Variants in PLXDC2 observed in about 807,000 individuals in gnomAD.
PLXDC2 encodes the protein plexin domain containing 2.
Under a neutral mutation model 68.9 loss-of-function variants are expected in PLXDC2, and 40 were observed. The observed-to-expected ratio is 0.58, with a 90% CI of 0.45 to 0.76. PLXDC2 has a LOEUF of 0.76. PLXDC2 is among the 30% of genes least tolerant of loss of function. The pLI is 0.00. For synonymous variants in PLXDC2, 243 were observed against 234.2 expected (o/e 1.04, Z -0.34); for missense variants, 644 against 661.9 (o/e 0.97, Z 0.30).
At chr10:20,238,496 A>C (rs1307328155) in intron 12 of PLXDC2, among the ~76,000 whole-genome samples, 1 of 149,822 alleles carries the variant, frequency 6.7e-6, no homozygotes, top group Non-Finnish European at 1.5e-5. Flanking sequence ...AAAACACAAA[A>C]ATTAGCCAGG....
At chr10:20,091,116 G>A (rs1321864449) in intron 4 of PLXDC2, among the ~76,000 whole-genome samples, 1 of 152,110 alleles carries the variant, frequency 6.6e-6, no homozygotes, top group African/African-American at 2.4e-5. Context: ...GAACTCTATA[G>A]GAATTCAGTT....
intron 13 of PLXDC2, among the ~76,000 whole-genome samples, chr10:20,249,599 G>C (rs2778975): frequency 6.6e-6 from 1 of 151,798 alleles, no homozygotes; most frequent in African/African-American, 2.4e-5. Context: ...CTTTTTGTAA[G>C]GCCCCCTTGT....
chr10:20,072,523 G>GAAAGAAAGAA (rs1391829972), intron 4 of PLXDC2, among the ~76,000 whole-genome samples: 1 of 102,512 alleles, frequency 9.8e-6, no homozygotes, highest in Non-Finnish European at 1.7e-5. Flanking sequence ...AAGAAAGAAA[G>GAAAGAAAGAA]AAAGAAAGAA....
At chr10:20,016,937 GC>G (rs1835222456) in intron 2 of PLXDC2, among the ~76,000 whole-genome samples, 1 of 152,162 alleles carries the variant, frequency 6.6e-6, no homozygotes, top group Non-Finnish European at 1.5e-5. Flanking sequence ...CATCTTCCTG[GC>G]TTTAGCATGC....
At chr10:19,932,855 A>T (rs1833663351) in intron 1 of PLXDC2, among the ~76,000 whole-genome samples, 1 of 152,144 alleles carries the variant, frequency 6.6e-6, no homozygotes, top group African/African-American at 2.4e-5. Flanking sequence ...CGCCTTTGAG[A>T]TATACAGAAT....
chr10:20,181,123 G>A (rs948377926), intron 9 of PLXDC2, among the ~76,000 whole-genome samples: 10 of 152,018 alleles, frequency 6.6e-5, no homozygotes, highest in African/African-American at 1.4e-4. Context: ...ACAGGAAAAT[G>A]TAAGGGGATA....
At chr10:20,207,564 T>A (rs1835009678) in intron 9 of PLXDC2, among the ~76,000 whole-genome samples, 1 of 152,202 alleles carries the variant, frequency 6.6e-6, no homozygotes, top group Non-Finnish European at 1.5e-5. Flanking sequence ...AAAATGTTTT[T>A]TTCTTCTGTA....
At chr10:19,820,673 C>T (rs114249233) in intron 1 of PLXDC2, among the ~76,000 whole-genome samples, 4,485 of 151,394 alleles carry the variant, frequency 0.03, 246 homozygotes, top group African/African-American at 0.1. Flanking sequence ...AAATATGTGT[C>T]CTTATCAATT....
intron 1 of PLXDC2, among the ~76,000 whole-genome samples, chr10:19,895,165 A>C (rs529410743): frequency 3.9e-4 from 60 of 152,308 alleles, no homozygotes; most frequent in African/African-American, 1.1e-3. Flanking sequence ...CTTAACAACT[A>C]GGGGAAGCCT....
chr10:19,859,493 G>C lies in PLXDC2; in HGVS notation c.112+42302G>C, dbSNP rs1278510356. Among the ~76,000 whole-genome samples, 69 of 151,766 alleles carry C rather than the reference G, an allele frequency of 4.5e-4. 1 individual carries two copies. The highest frequency in any genetic ancestry group is 4.5e-3 in the Admixed American group (69 of 15,242). On this transcript the variant is annotated intron_variant, in intron 1 of 13. Transcript: ENST00000377252. ...GAAATTGCATATTGATATGTAATATGCAATTAATATGTAATATGCAAATAA... is the reference window on the plus strand; with the variant it reads ...GAAATTGCATATTGATATGTAATATCCAATTAATATGTAATATGCAAATAA...
intron 2 of PLXDC2, among the ~76,000 whole-genome samples, chr10:20,004,359 T>C (rs1834990674): frequency 6.6e-6 from 1 of 152,214 alleles, no homozygotes; most frequent in South Asian, 2.1e-4. Context: ...TATAAGAGGC[T>C]ATTCTGACTC....
intron 4 of PLXDC2, among the ~76,000 whole-genome samples, chr10:20,071,779 T>C (rs1382951684): frequency 2.6e-5 from 4 of 151,526 alleles, no homozygotes; most frequent in African/African-American, 9.6e-5. Context: ...GAGATCATGC[T>C]TGTTGGGCCA....
chr10:20,131,707 G>A (rs1422919231), intron 4 of PLXDC2, among the ~76,000 whole-genome samples: 1 of 151,938 alleles, frequency 6.6e-6, no homozygotes, highest in African/African-American at 2.4e-5. Flanking sequence ...GCCACTTACA[G>A]TTTTATTATT....
intron 1 of PLXDC2, among the ~76,000 whole-genome samples, chr10:19,946,513 T>C (rs975834136): frequency 4.0e-5 from 6 of 151,590 alleles, no homozygotes; most frequent in Non-Finnish European, 7.4e-5. Flanking sequence ...TAAATTTTCT[T>C]ATCAGTTCCT....
rs1835743198 is a variant in PLXDC2 at position 20,044,211 on chromosome 10, G to GTCTTTCTTTCTC, written c.325-2647_325-2646insCTCTTTCTTTCT. Among the ~76,000 whole-genome samples, 3 of 68,548 alleles carry GTCTTTCTTTCTC rather than the reference G, an allele frequency of 4.4e-5. No individual in the cohort carries two copies. In the Admixed American group the frequency reaches 5.2e-4, roughly 12 times the overall value. 45.0% of individuals were successfully genotyped at this position (68,548 alleles called of 152,430 possible). A position where few individuals can be genotyped will look rare whatever the true frequency, so the allele number is the denominator to read the frequency against. On this transcript the variant is annotated intron_variant, in intron 2 of 13. Transcript: ENST00000377252. The stretch of plus-strand genomic sequence containing the variant: ...TTTCTTTCTCTCTCTCTCTCTCTCT[G>GTCTTTCTTTCTC]TCTTTCTTTCTTTCTTTCTTTCTTT...
chr10:20,152,458 G>T (rs1020531351), intron 6 of PLXDC2, among the ~76,000 whole-genome samples: 2 of 151,992 alleles, frequency 1.3e-5, no homozygotes, highest in Admixed American at 1.3e-4. Context: ...TAAATTATGG[G>T]CCCTTACTGT....
chr10:20,273,048 G>A (rs1835959370), intron 13 of PLXDC2, among the ~76,000 whole-genome samples: 1 of 152,182 alleles, frequency 6.6e-6, no homozygotes, highest in African/African-American at 2.4e-5. Flanking sequence ...ATATATCTGT[G>A]TTAAAATAGT....
chr10:19,973,807 C>T (rs987186638), intron 1 of PLXDC2, among the ~76,000 whole-genome samples: 13 of 152,116 alleles, frequency 8.5e-5, no homozygotes, highest in African/African-American at 2.4e-5. Context: ...GGACTGAGCT[C>T]CCTGGGAGAG....
intron 1 of PLXDC2, among the ~76,000 whole-genome samples, chr10:19,920,360 C>T (rs1232073987): frequency 6.6e-6 from 1 of 152,236 alleles, no homozygotes. Context: ...TGGCCTGCCA[C>T]ACCCCCATCC....
Sources: allele counts gnomAD v4.1 joint callset (sites outside exome capture counted in the v4.1 genomes callset), GRCh38; gene constraint gnomAD v4.1.1; transcripts MANE v1.5; gene names NCBI Gene and HGNC (gene_info 2026-07-23, HGNC 2026-07-21).